FBXO36: variants seen among roughly 807,000 people sequenced by gnomAD.
FBXO36 encodes the protein F-box protein 36, also known as F-box only protein 36.
In FBXO36, 18 loss-of-function variants were observed where a neutral mutation model predicts 17.0. That is an observed-to-expected ratio of 1.06 (90% CI 0.73 to 1.57). The LOEUF is 1.57. FBXO36 is among the 40% of genes most tolerant of loss of function. FBXO36 has a pLI of 0.00. For synonymous variants in FBXO36, 83 were observed against 85.3 expected, an observed-to-expected ratio of 0.97 and a Z score of 0.15; for missense variants, 229 against 221.9, an observed-to-expected ratio of 1.03 and a Z score of -0.20.
intron 2 of FBXO36, among the ~76,000 whole-genome samples, chr2:229,980,718 T>C (rs2077234813): frequency 6.6e-6 from 1 of 152,146 alleles, no homozygotes; most frequent in South Asian, 2.1e-4. Context: ...GAAGATTTTA[T>C]GAGTCTGACA....
At chr2:229,964,122 TTGTC>T (rs1420240269) in intron 1 of FBXO36, among the ~76,000 whole-genome samples, 3 of 152,188 alleles carry the variant, frequency 2.0e-5, no homozygotes, top group African/African-American at 7.2e-5. Context: ...GATTGCCTGT[TTGTC>T]TGTAATGTTA....
chr2:229,930,073 C>T (rs1470632664), intron 1 of FBXO36, among the ~76,000 whole-genome samples: 4 of 152,100 alleles, frequency 2.6e-5, no homozygotes, highest in Non-Finnish European at 5.9e-5. Flanking sequence ...ATTATCCAGG[C>T]GTGGTGGCTC....
intron 2 of FBXO36, among the ~76,000 whole-genome samples, chr2:229,990,516 C>T (rs913251157): frequency 3.9e-5 from 6 of 151,920 alleles, no homozygotes; most frequent in Non-Finnish European, 5.9e-5. Flanking sequence ...TAAAAAAATA[C>T]GTTAATATGG....
intron 1 of FBXO36, chr2:229,943,333 G>A (rs1011388449): frequency 4.6e-5 from 7 of 152,258 alleles, no homozygotes; most frequent in Non-Finnish European, 1.0e-4. Context: ...AACTGAAAAT[G>A]TCCTAACTGG....
intron 1 of FBXO36, among the ~76,000 whole-genome samples, chr2:229,928,601 C>T (rs149980968): frequency 1.4e-3 from 211 of 152,292 alleles, no homozygotes; most frequent in African/African-American, 4.9e-3. Flanking sequence ...AATATTGAGG[C>T]TGAATATTGA....
chr2:229,944,029 A>C (rs2077013812), intron 1 of FBXO36, among the ~76,000 whole-genome samples: 1 of 152,114 alleles, frequency 6.6e-6, no homozygotes, highest in Admixed American at 6.6e-5. Context: ...TGGCCACGTA[A>C]GACGGGGCCA....
intron 1 of FBXO36, chr2:229,939,342 C>A: frequency 1.3e-6 from 1 of 775,660 alleles, no homozygotes; most frequent in Non-Finnish European, 1.6e-6. Context: ...CCTCTCGTCC[C>A]AAGATGAGTC....
chr2:229,978,538 G>A (rs1001403591), intron 2 of FBXO36, among the ~76,000 whole-genome samples: 1 of 151,978 alleles, frequency 6.6e-6, no homozygotes, highest in Non-Finnish European at 1.5e-5. Context: ...GGTGAGCCGA[G>A]ATCACGCCGT....
At chr2:229,926,777 G>C (rs1444201648) in intron 1 of FBXO36, among the ~76,000 whole-genome samples, 1 of 151,836 alleles carries the variant, frequency 6.6e-6, no homozygotes, top group Non-Finnish European at 1.5e-5. Context: ...AGCTCTAGTA[G>C]TTTACATATA....
At position 230,012,940 on chromosome 2, in the gene FBXO36, C is replaced by T. The variant is rs1191101386; in HGVS notation, c.*2056C>T. ...AAAACACTATGTATATACCTACTCA[C>T]ATATATATTATACTTACGATATATA... On this transcript the variant is annotated 3_prime_UTR_variant, in exon 4 of 4. Coordinates refer to ENST00000283946, the MANE Select transcript of FBXO36 (RefSeq NM_174899.5). 1.3e-5 allele frequency: 2 copies of T among 150,690 alleles called. No individual in the cohort carries two copies. The highest frequency in any genetic ancestry group is 2.4e-5 in the African/African-American group (1 of 41,146). The allele number at this position is 150,690 out of a possible 1,614,324, so 9.3% of individuals were successfully genotyped here.
At chr2:229,938,842 C>T (rs542149808) in intron 1 of FBXO36, among the ~76,000 whole-genome samples, 2 of 148,758 alleles carry the variant, frequency 1.3e-5, no homozygotes, top group Non-Finnish European at 3.0e-5. Context: ...TCACCGCAAC[C>T]TCTGCCTCCT....
chr2:229,933,966 G>A (rs779559838), intron 1 of FBXO36, among the ~76,000 whole-genome samples: 11 of 151,708 alleles, frequency 7.3e-5, no homozygotes, highest in East Asian at 1.9e-4. Context: ...GATTACAGGC[G>A]TGAGTCACCG....
intron 2 of FBXO36, among the ~76,000 whole-genome samples, chr2:229,993,964 G>A (rs2077311896): frequency 6.6e-6 from 1 of 151,788 alleles, no homozygotes; most frequent in Non-Finnish European, 1.5e-5. Context: ...AGTAGGGACA[G>A]GGATTCACTG....
intron 1 of FBXO36, among the ~76,000 whole-genome samples, chr2:229,925,020 G>A (rs545662915): frequency 6.6e-6 from 1 of 151,940 alleles, no homozygotes; most frequent in Non-Finnish European, 1.5e-5. Context: ...GTGAGCCACC[G>A]CGCCCGGCCC....
At chr2:229,945,983 T>C (rs1411084212) in intron 1 of FBXO36, among the ~76,000 whole-genome samples, 3 of 151,128 alleles carry the variant, frequency 2.0e-5, no homozygotes, top group African/African-American at 2.4e-5. Flanking sequence ...GATTACGCCA[T>C]TGTACTCCAG....
chr2:229,973,076 A>T (rs898938326), intron 1 of FBXO36, among the ~76,000 whole-genome samples: 4 of 148,208 alleles, frequency 2.7e-5, no homozygotes, highest in African/African-American at 9.9e-5. Flanking sequence ...AAAAAAAGAA[A>T]AAGATATTGT....
chr2:229,950,049 C>T (rs930365085), intron 1 of FBXO36, among the ~76,000 whole-genome samples: 3 of 152,224 alleles, frequency 2.0e-5, no homozygotes, highest in Non-Finnish European at 4.4e-5. Context: ...GCTTCAGTGC[C>T]TCCAGCAGCC....
chr2:229,926,283 T>A (rs1373494789), intron 1 of FBXO36, among the ~76,000 whole-genome samples: 1 of 149,598 alleles, frequency 6.7e-6, no homozygotes, highest in African/African-American at 2.5e-5. Context: ...TACAAAAAAT[T>A]AGCTGGGCAT....
chr2:230,005,050 TA>T (rs1194143741), intron 3 of FBXO36, among the ~76,000 whole-genome samples: 1 of 152,120 alleles, frequency 6.6e-6, no homozygotes, highest in Non-Finnish European at 1.5e-5. Context: ...TTCCTCCATT[TA>T]AAAAAATTGC....
Sources: gnomAD v4.1 joint callset for allele counts (sites outside exome capture counted in the v4.1 genomes callset) on GRCh38, gnomAD v4.1.1 for gene constraint, MANE v1.5 for transcripts, NCBI Gene and HGNC (gene_info 2026-07-23, HGNC 2026-07-21) for gene names.